ZCCHC7: variants seen among roughly 807,000 people sequenced by gnomAD.
ZCCHC7 encodes the protein zinc finger CCHC-type containing 7.
In ZCCHC7, 35 loss-of-function variants were observed where a neutral mutation model predicts 52.0. The observed-to-expected ratio is 0.67, with a 90% CI of 0.51 to 0.89. ZCCHC7 has a LOEUF of 0.89. Ranked by LOEUF, ZCCHC7 falls within the 40% of genes least tolerant of loss-of-function variation. The probability of loss-of-function intolerance (pLI) is 0.00; values close to 1 mark genes in which losing one functional copy is unlikely to be tolerated. For synonymous variants in ZCCHC7, 217 were observed against 221.5 expected (o/e 0.98, Z 0.18); for missense variants, 574 against 649.1 (o/e 0.88, Z 1.26).
At chr9:37,252,828 A>T (rs1826394484) in intron 2 of ZCCHC7, among the ~76,000 whole-genome samples, 1 of 152,118 alleles carries the variant, frequency 6.6e-6, no homozygotes, top group African/African-American at 2.4e-5. Context: ...AGAGCTAATC[A>T]TCTCCAATGT....
Position 37,330,627 on chromosome 9 carries a change from T to C in ZCCHC7, c.987+2793T>C, listed in dbSNP as rs943206485. ...TATTTTTACCTCCTTCAAAAATGTTTAGAATGCTTTTAAATGTTTAATAAT... is the reference window on the plus strand; with the variant it reads ...TATTTTTACCTCCTTCAAAAATGTTCAGAATGCTTTTAAATGTTTAATAAT... On this transcript the variant is annotated intron_variant, in intron 6 of 8. Transcript: ENST00000336755. Among the ~76,000 whole-genome samples the C allele has an allele frequency of 1.4e-4, 22 of 151,730 alleles. 1 individual carries two copies. The highest frequency in any genetic ancestry group is 3.4e-4 in the African/African-American group (14 of 41,424).
chr9:37,136,672 CCATGTTGCT>C (rs1435144468), intron 2 of ZCCHC7, among the ~76,000 whole-genome samples: 7 of 152,176 alleles, frequency 4.6e-5, no homozygotes, highest in Non-Finnish European at 8.8e-5. Context: ...CCCATGTTCA[CCATGTTGCT>C]CATGTTGCTG....
At position 37,306,762 on chromosome 9, in the gene ZCCHC7, C is replaced by CTTTTTTTT. The variant is rs869292704; in HGVS notation, c.951+1083_951+1090dup. Among the ~76,000 whole-genome samples, 35 of 52,034 alleles carry CTTTTTTTT rather than the reference C, an allele frequency of 6.7e-4. 14 individuals carry two copies. Among genetic ancestry groups the CTTTTTTTT allele is most frequent in the Non-Finnish European group, 9.0e-4 (24 of 26,720 alleles). 34.1% of individuals were successfully genotyped at this position (52,034 alleles called of 152,430 possible). On this transcript the variant is annotated intron_variant, in intron 5 of 8. Coordinates refer to ENST00000336755, the MANE Select transcript of ZCCHC7 (RefSeq NM_032226.3). ...ACAGGCATGAGCCACTGTACCCGAC[C>CTTTTTTTT]TTTTTTTTTTTTTTTTTTTTTTTTT...
At chr9:37,123,191 GT>G (rs1357956565) in intron 1 of ZCCHC7, among the ~76,000 whole-genome samples, 73 of 1,762 alleles carry the variant, frequency 0.041, no homozygotes, top group Non-Finnish European at 0.1. Flanking sequence ...TGAGTCAAGG[GT>G]GTGTGTGTGT....
intron 2 of ZCCHC7, among the ~76,000 whole-genome samples, chr9:37,255,324 C>A (rs1826533988): frequency 6.6e-6 from 1 of 151,990 alleles, no homozygotes; most frequent in African/African-American, 2.4e-5. Context: ...TAGGCTACTA[C>A]TGACCTTGAA....
chr9:37,214,813 A>G (rs1393153854), intron 2 of ZCCHC7, among the ~76,000 whole-genome samples: 3 of 152,076 alleles, frequency 2.0e-5, no homozygotes, highest in Non-Finnish European at 4.4e-5. Flanking sequence ...AGCATTGGTA[A>G]TAATGAAGCT....
At chr9:37,195,772 A>G (rs1270475261) in intron 2 of ZCCHC7, among the ~76,000 whole-genome samples, 2 of 152,240 alleles carry the variant, frequency 1.3e-5, no homozygotes, top group Admixed American at 1.3e-4. Context: ...TACAAAGCTC[A>G]TAATTTAGTC....
intron 2 of ZCCHC7, among the ~76,000 whole-genome samples, chr9:37,136,945 A>G (rs1843022258): frequency 6.6e-6 from 1 of 152,144 alleles, no homozygotes; most frequent in Admixed American, 6.5e-5. Context: ...TTTGAACAAC[A>G]TGTCTCTAGT....
chr9:37,176,883 T>G (rs1209920176), intron 2 of ZCCHC7, among the ~76,000 whole-genome samples: 1 of 152,212 alleles, frequency 6.6e-6, no homozygotes, highest in Non-Finnish European at 1.5e-5. Context: ...CAGACCAGCC[T>G]TTACTGTAGC....
intron 3 of ZCCHC7, among the ~76,000 whole-genome samples, chr9:37,302,834 G>A (rs1337177364): frequency 6.6e-6 from 1 of 152,170 alleles, no homozygotes; most frequent in Non-Finnish European, 1.5e-5. Flanking sequence ...CCTAGATTTA[G>A]ATTAGAATAT....
intron 2 of ZCCHC7, among the ~76,000 whole-genome samples, chr9:37,235,484 TTTCC>T (rs944350442): frequency 2.0e-5 from 3 of 149,874 alleles, no homozygotes; most frequent in African/African-American, 4.9e-5. Flanking sequence ...CCTTCCTTTC[TTTCC>T]TTCCTTCCTT....
At chr9:37,238,174 G>T (rs555206131) in intron 2 of ZCCHC7, among the ~76,000 whole-genome samples, 1 of 152,252 alleles carries the variant, frequency 6.6e-6, no homozygotes, top group South Asian at 2.1e-4. Flanking sequence ...TATAGCATCT[G>T]CCCTGACAAG....
At chr9:37,209,025 G>A (rs1195484344) in intron 2 of ZCCHC7, among the ~76,000 whole-genome samples, 1 of 151,816 alleles carries the variant, frequency 6.6e-6, no homozygotes, top group Non-Finnish European at 1.5e-5. Context: ...ACTGGGGCTG[G>A]CATAATAAAA....
At chr9:37,215,840 C>T (rs1388009711) in intron 2 of ZCCHC7, among the ~76,000 whole-genome samples, 1 of 152,100 alleles carries the variant, frequency 6.6e-6, no homozygotes, top group Non-Finnish European at 1.5e-5. Flanking sequence ...AAAGCCTTTA[C>T]TGCACACATA....
In ZCCHC7 at chr9:37,357,012, A is replaced by C; in HGVS notation, c.1376A>C (p.Lys459Thr). The C allele has an allele frequency of 1.9e-6, 3 of 1,613,840 alleles. No individual in the cohort carries two copies. The highest frequency in any genetic ancestry group is 1.7e-6 in the Non-Finnish European group (2 of 1,179,954). Reference protein sequence around the residue: ...EMKNKNRNWEKHRKADRHREV... With the variant: ...EMKNKNRNWETHRKADRHREV... The stretch of plus-strand genomic sequence containing the variant: ...AAGAACAAGAATAGAAACTGGGAGA[A>C]GCACAGGAAGGCTGACAGACATCGT... Residue 459 changes from lysine to threonine, a missense_variant, in exon 9 of 9, where the codon AAG (lysine) becomes ACG (threonine). Transcript: ENST00000336755.
At chr9:37,216,892 T>C (rs1473949249) in intron 2 of ZCCHC7, among the ~76,000 whole-genome samples, 1 of 152,154 alleles carries the variant, frequency 6.6e-6, no homozygotes, top group Non-Finnish European at 1.5e-5. Context: ...TAGTTTTGAC[T>C]CTGTAGATTA....
intron 2 of ZCCHC7, among the ~76,000 whole-genome samples, chr9:37,260,182 G>A (rs1387809717): frequency 2.6e-5 from 4 of 152,200 alleles, no homozygotes; most frequent in Admixed American, 2.6e-4. Context: ...CGCATATACT[G>A]TTAGGATAGG....
At chr9:37,149,317 T>C (rs538239148) in intron 2 of ZCCHC7, among the ~76,000 whole-genome samples, 1 of 152,286 alleles carries the variant, frequency 6.6e-6, no homozygotes, top group African/African-American at 2.4e-5. Flanking sequence ...ATTGGGTGAA[T>C]TCATCACGAT....
intron 2 of ZCCHC7, among the ~76,000 whole-genome samples, chr9:37,212,668 G>A (rs1002963072): frequency 1.3e-4 from 20 of 152,188 alleles, no homozygotes; most frequent in African/African-American, 4.3e-4. Flanking sequence ...CGAACAGATC[G>A]TTCACCTTGT....
Sources: allele counts gnomAD v4.1 joint callset (sites outside exome capture counted in the v4.1 genomes callset), GRCh38; gene constraint gnomAD v4.1.1; transcripts MANE v1.5; gene names NCBI Gene and HGNC (gene_info 2026-07-23, HGNC 2026-07-21).